Variants in ATP10A observed in about 807,000 individuals in gnomAD.
ATP10A encodes the protein phospholipid-transporting ATPase VA.
Under a neutral mutation model 147.8 loss-of-function variants are expected in ATP10A, and 111 were observed. The ratio of observed to expected loss-of-function variants is 0.75; its 90% CI spans 0.64 to 0.88. ATP10A has a LOEUF of 0.88. Ranked by LOEUF, ATP10A falls within the 40% of genes least tolerant of loss-of-function variation. The pLI is 0.00. For synonymous variants in ATP10A, 875 were observed against 841.6 expected (o/e 1.04, Z -0.69); for missense variants, 1,927 against 1,959.0 (o/e 0.98, Z 0.31).
intron 2 of ATP10A, among the ~76,000 whole-genome samples, chr15:25,774,003 T>G (rs1889477652): frequency 6.6e-6 from 1 of 151,606 alleles, no homozygotes; most frequent in Admixed American, 6.6e-5. Flanking sequence ...GCAATTAAAC[T>G]ACATTTAGGA....
intron 14 of ATP10A, among the ~76,000 whole-genome samples, chr15:25,692,699 C>T (rs192347707): frequency 2.5e-4 from 38 of 152,292 alleles, no homozygotes; most frequent in South Asian, 1.5e-3. Flanking sequence ...AAATGAGATA[C>T]GGTAAAACAT....
intron 16 of ATP10A, among the ~76,000 whole-genome samples, chr15:25,684,203 A>G (rs926707693): frequency 6.6e-6 from 1 of 152,190 alleles, no homozygotes. Flanking sequence ...GCCCCTGCTC[A>G]CTGGGGTGGG....
At chr15:25,676,347 C>G (rs1366613013), downstream of ATP10A, among the ~76,000 whole-genome samples, 1 of 152,242 alleles carries the variant, frequency 6.6e-6, no homozygotes, top group Non-Finnish European at 1.5e-5. Flanking sequence ...CACCTCTCCC[C>G]GCGCCTCCCT....
Position 25,706,676 on chromosome 15 carries a change from C to G in ATP10A, c.2575+1300G>C, listed in dbSNP as rs537277520. 1.2e-4 allele frequency among the ~76,000 whole-genome samples: 18 copies of G among 152,322 alleles called. No individual in the cohort carries two copies. In the South Asian group the frequency reaches 3.7e-3, roughly 32 times the overall value. ...CATCATGTGGAAAAGGGAGGAGATT[C>G]TGTCTGCATTACTCCAGGGGGCGGA... On this transcript the variant is annotated intron_variant, in intron 12 of 20. Coordinates refer to ENST00000555815, the MANE Select transcript of ATP10A (RefSeq NM_024490.4).
Position 25,791,101 on chromosome 15 carries a change from T to C in ATP10A, c.450-9878A>G, listed in dbSNP as rs374377729. On this transcript the variant is annotated intron_variant, in intron 1 of 20. Coordinates refer to ENST00000555815, the MANE Select transcript of ATP10A (RefSeq NM_024490.4). ...CTGCAAGTGTTTTTTTTTTTTTTTTTCAAGACCCTTGCTCTGTCGCCCAGG... is the reference window on the plus strand; with the variant it reads ...CTGCAAGTGTTTTTTTTTTTTTTTTCCAAGACCCTTGCTCTGTCGCCCAGG... Among the ~76,000 whole-genome samples, 1,383 of 149,678 alleles carry C rather than the reference T, an allele frequency of 9.2e-3. 17 individuals are homozygous for C. Among genetic ancestry groups the C allele is most frequent in the African/African-American group, 0.033 (1,317 of 40,138 alleles).
At chr15:25,846,123 A>G (rs1399672706) in intron 1 of ATP10A, among the ~76,000 whole-genome samples, 1 of 152,146 alleles carries the variant, frequency 6.6e-6, no homozygotes, top group Non-Finnish European at 1.5e-5. Flanking sequence ...TAGAGGCTGA[A>G]TGCAGAACGG....
intron 1 of ATP10A, among the ~76,000 whole-genome samples, chr15:25,831,473 G>C (rs1485651007): frequency 3.3e-5 from 5 of 152,230 alleles, no homozygotes; most frequent in Non-Finnish European, 7.3e-5. Flanking sequence ...GTCGAGATGT[G>C]AAAATGGCTT....
chr15:25,788,956 T>A (rs1383632662), intron 1 of ATP10A, among the ~76,000 whole-genome samples: 1 of 152,154 alleles, frequency 6.6e-6, no homozygotes, highest in East Asian at 1.9e-4. Flanking sequence ...ATGTGTTATT[T>A]TGCGGGGATG....
chr15:25,707,923 C>G lies in ATP10A; in HGVS notation c.2575+53G>C, dbSNP rs557394098. 4 of 1,597,472 alleles carry G rather than the reference C, an allele frequency of 2.5e-6. No individual in the cohort carries two copies. In the South Asian group the frequency reaches 3.3e-5, roughly 13 times the overall value. ...ACAAGAGCACTCACCCCTCCAGGGC[C>G]GTCCCTGCAAACTCCACACTGCCCT... is the stretch of plus-strand genomic sequence containing the variant. On this transcript the variant is annotated intron_variant, in intron 12 of 20. Transcript: ENST00000555815.
intron 7 of ATP10A, among the ~76,000 whole-genome samples, chr15:25,719,852 G>A (rs988972034): frequency 4.6e-5 from 7 of 152,220 alleles, no homozygotes; most frequent in East Asian, 1.9e-4. Context: ...TGGTACGTGA[G>A]CAGGGCTTGG....
intron 3 of ATP10A, among the ~76,000 whole-genome samples, chr15:25,728,381 C>A (rs1902716947): frequency 6.6e-6 from 1 of 152,232 alleles, no homozygotes; most frequent in Non-Finnish European, 1.5e-5. Flanking sequence ...CACAGTGGGG[C>A]CACTCAAGGG....
chr15:25,765,659 C>T (rs1384496593), intron 2 of ATP10A, among the ~76,000 whole-genome samples: 1 of 152,210 alleles, frequency 6.6e-6, no homozygotes, highest in African/African-American at 2.4e-5. Context: ...CCTGGACAGC[C>T]AATTCTCATC....
chr15:25,776,484 G>A (rs1889611775), intron 2 of ATP10A, among the ~76,000 whole-genome samples: 1 of 152,202 alleles, frequency 6.6e-6, no homozygotes, highest in African/African-American at 2.4e-5. Context: ...ACAGTTGTGG[G>A]AGATACAGTA....
At chr15:25,744,260 TATA>T (rs1254035372) in intron 2 of ATP10A, among the ~76,000 whole-genome samples, 1 of 151,830 alleles carries the variant, frequency 6.6e-6, no homozygotes, top group Non-Finnish European at 1.5e-5. Context: ...AAAAATGGAG[TATA>T]ATAATTCCAA....
intron 2 of ATP10A, among the ~76,000 whole-genome samples, chr15:25,769,731 C>A (rs749259672): frequency 3.3e-5 from 5 of 152,100 alleles, no homozygotes; most frequent in African/African-American, 7.2e-5. Flanking sequence ...CATGGTGATG[C>A]CACCATCCAG....
intron 1 of ATP10A, among the ~76,000 whole-genome samples, chr15:25,798,458 C>T (rs954301406): frequency 6.6e-6 from 1 of 152,154 alleles, no homozygotes; most frequent in Admixed American, 6.5e-5. Flanking sequence ...CAGACACCCA[C>T]GCAAGTCCAT....
chr15:25,810,911 T>C (rs1404669791), intron 1 of ATP10A, among the ~76,000 whole-genome samples: 1 of 151,932 alleles, frequency 6.6e-6, no homozygotes, highest in Non-Finnish European at 1.5e-5. Context: ...ACCACAGCCT[T>C]ACAAAGGCAC....
At chr15:25,738,407 G>A (rs61998563) in intron 2 of ATP10A, 3,209 of 152,406 alleles carry the variant, frequency 0.021, 51 homozygotes, top group Non-Finnish European at 0.035. Context: ...TGATGGTTGC[G>A]CAACAATGCG....
downstream of ATP10A, chr15:25,677,963 T>C (rs1899172777): frequency 6.6e-6 from 1 of 152,196 alleles, no homozygotes; most frequent in African/African-American, 2.4e-5. Context: ...GTCTTCTGAA[T>C]AGTGATGCAT....
Sources: gnomAD v4.1 joint callset for allele counts (sites outside exome capture counted in the v4.1 genomes callset) on GRCh38, gnomAD v4.1.1 for gene constraint, MANE v1.5 for transcripts, NCBI Gene and HGNC (gene_info 2026-07-23, HGNC 2026-07-21) for gene names.